THSD7A: variants seen among roughly 807,000 people sequenced by gnomAD.
The protein encoded by THSD7A is thrombospondin type-1 domain-containing protein 7A.
A neutral mutation model predicts 231.3 loss-of-function variants in THSD7A; 96 were observed. The ratio of observed to expected loss-of-function variants is 0.41; its 90% CI spans 0.35 to 0.49. The LOEUF (loss-of-function observed/expected upper bound fraction) is 0.49, where lower values mean the gene tolerates loss of function less well. Ranked by LOEUF, THSD7A falls within the 20% of genes least tolerant of loss-of-function variation. The pLI is 0.05. For missense variants in THSD7A, 2,290 were observed against 2,070.2 expected, an observed-to-expected ratio of 1.11 and a Z score of -2.06; for synonymous variants, 940 against 743.3, an observed-to-expected ratio of 1.26 and a Z score of -4.30.
At chr7:11,668,362 G>A (rs940265294) in intron 1 of THSD7A, among the ~76,000 whole-genome samples, 17 of 151,966 alleles carry the variant, frequency 1.1e-4, no homozygotes, top group African/African-American at 4.1e-4. Flanking sequence ...AGGTTGCAGT[G>A]AGCCAAGATC....
intron 8 of THSD7A, 57 bp from the exon 9 acceptor site, chr7:11,470,051 T>C (rs552193659): frequency 8.1e-6 from 10 of 1,230,736 alleles, no homozygotes; most frequent in African/African-American, 6.0e-5. Context: ...AATCAGATAA[T>C]TTAATTTCTC....
At chr7:11,587,327 T>C (rs1479544569) in intron 4 of THSD7A, among the ~76,000 whole-genome samples, 1 of 152,158 alleles carries the variant, frequency 6.6e-6, no homozygotes, top group African/African-American at 2.4e-5. Context: ...TCAAGGGTTT[T>C]ACTACTGACA....
chr7:11,430,637 C>CATAT (rs138122814), intron 13 of THSD7A, among the ~76,000 whole-genome samples: 7 of 150,984 alleles, frequency 4.6e-5, no homozygotes, highest in African/African-American at 1.7e-4. Flanking sequence ...GGCGAATTTT[C>CATAT]ATATATATAT....
At chr7:11,566,005 C>T (rs1232418431) in intron 4 of THSD7A, among the ~76,000 whole-genome samples, 3 of 151,998 alleles carry the variant, frequency 2.0e-5, no homozygotes, top group Non-Finnish European at 4.4e-5. Flanking sequence ...TAATATTCAC[C>T]CCACTCATCG....
At chr7:11,613,824 T>A (rs1217035081) in intron 2 of THSD7A, among the ~76,000 whole-genome samples, 1 of 152,208 alleles carries the variant, frequency 6.6e-6, no homozygotes, top group South Asian at 2.1e-4. Context: ...GAATTAACAA[T>A]TATTTTGCTT....
intron 6 of THSD7A, among the ~76,000 whole-genome samples, chr7:11,485,487 A>G (rs184979258): frequency 1.3e-5 from 2 of 152,324 alleles, no homozygotes; most frequent in Admixed American, 1.3e-4. Context: ...GAATGTATGA[A>G]TGTTGTATAC....
intron 1 of THSD7A, among the ~76,000 whole-genome samples, chr7:11,811,734 G>A (rs527978148): frequency 4.6e-5 from 7 of 152,124 alleles, no homozygotes; most frequent in Non-Finnish European, 1.0e-4. Flanking sequence ...ATCCCATACA[G>A]CAGTGCACAC....
chr7:11,614,011 G>A (rs1781024168), intron 2 of THSD7A, among the ~76,000 whole-genome samples: 2 of 152,144 alleles, frequency 1.3e-5, no homozygotes, highest in African/African-American at 4.8e-5. Flanking sequence ...TCATCCAGGA[G>A]TAACTGACCC....
chr7:11,520,328 T>C (rs10486142), intron 6 of THSD7A, among the ~76,000 whole-genome samples: 18,419 of 152,192 alleles, frequency 0.12, 1,172 homozygotes, highest in Middle Eastern at 0.16. Context: ...GTTACAAAAA[T>C]TAGGTATGAT....
chr7:11,606,403 G>A (rs1380032478), intron 2 of THSD7A, among the ~76,000 whole-genome samples: 1 of 152,124 alleles, frequency 6.6e-6, no homozygotes, highest in Non-Finnish European at 1.5e-5. Flanking sequence ...ATTGATGAGC[G>A]CAACCTATGA....
rs1440221597 is a variant in THSD7A, at chr7:11,481,403, G to A, written c.2017+385C>T. Among the ~76,000 whole-genome samples, 5 of 151,918 alleles carry A rather than the reference G, an allele frequency of 3.3e-5. No individual in the cohort carries two copies. In the East Asian group the frequency reaches 9.7e-4, roughly 29 times the overall value. ...GGATATATATACTTATTTATGAGAA[G>A]GTAGAATATGATTTTCAAAAGATAA... On this transcript the variant is annotated intron_variant, in intron 7 of 27. Transcript: ENST00000423059.
intron 1 of THSD7A, among the ~76,000 whole-genome samples, chr7:11,782,216 A>G (rs540981201): frequency 1.3e-5 from 2 of 152,330 alleles, no homozygotes; most frequent in East Asian, 3.9e-4. Context: ...GAATATAAAG[A>G]AAATCCAGAA....
chr7:11,628,898 G>A (rs1422719521), intron 2 of THSD7A, among the ~76,000 whole-genome samples: 1 of 152,148 alleles, frequency 6.6e-6, no homozygotes, highest in African/African-American at 2.4e-5. Context: ...AGAAAAGTTC[G>A]TAAAAGGATT....
rs777529345 is a variant in THSD7A at position 11,424,716 on chromosome 7, G to A, written c.3363C>T (p.Gly1121=). 18 of 1,613,788 alleles carry A rather than the reference G, an allele frequency of 1.1e-5. No individual in the cohort carries two copies. The highest frequency in any genetic ancestry group is 6.6e-5 in the South Asian group (6 of 91,086). The stretch of plus-strand genomic sequence containing the variant: ...CTTACCTCACTTTTCGGGTTTGCAC[G>A]CCCTCTCCACAGTTCTCCCGCATAT... The part of the protein sequence containing the change: ...FVNMRENCGE[G]VQTRKVRCMQ... The change falls in exon 16 of 28, where the codon GGC becomes GGT. Residue 1121 remains glycine (G), a synonymous_variant. Transcript: ENST00000423059.
intron 6 of THSD7A, among the ~76,000 whole-genome samples, chr7:11,522,300 T>C (rs1583900531): frequency 6.6e-6 from 1 of 152,288 alleles, no homozygotes; most frequent in East Asian, 1.9e-4. Flanking sequence ...CCCAAGGCCA[T>C]GGGCAAACAT....
chr7:11,512,007 A>C (rs945720814), intron 6 of THSD7A, among the ~76,000 whole-genome samples: 1 of 152,200 alleles, frequency 6.6e-6, no homozygotes, highest in African/African-American at 2.4e-5. Flanking sequence ...AACCTACAGA[A>C]TGGGAGAAAA....
intron 9 of THSD7A, among the ~76,000 whole-genome samples, chr7:11,468,660 C>T (rs1239083827): frequency 6.6e-6 from 1 of 151,986 alleles, no homozygotes; most frequent in Non-Finnish European, 1.5e-5. Flanking sequence ...ATGGCACAAA[C>T]CCATCTCTAC....
At chr7:11,416,032 C>CTGT (rs1342616934) in intron 17 of THSD7A, among the ~76,000 whole-genome samples, 1 of 152,148 alleles carries the variant, frequency 6.6e-6, no homozygotes, top group African/African-American at 2.4e-5. Context: ...ATCAATTAAA[C>CTGT]TGTTAAATTT....
At chr7:11,402,722 C>A (rs564096678) in intron 22 of THSD7A, among the ~76,000 whole-genome samples, 2 of 152,204 alleles carry the variant, frequency 1.3e-5, no homozygotes, top group South Asian at 4.1e-4. Context: ...TGAAATCATA[C>A]CATATGTACT....
Sources: gnomAD v4.1 joint callset for allele counts (sites outside exome capture counted in the v4.1 genomes callset) on GRCh38, gnomAD v4.1.1 for gene constraint, MANE v1.5 for transcripts, NCBI Gene and HGNC (gene_info 2026-07-23, HGNC 2026-07-21) for gene names.